The following CDK14 variants were observed in gnomAD, a reference collection of about 807,000 sequenced individuals.
The protein encoded by CDK14 is cyclin dependent kinase 14.
CDK14 carries 34 observed loss-of-function variants against 60.7 expected under a neutral mutation model. The ratio of observed to expected loss-of-function variants is 0.56; its 90% CI spans 0.43 to 0.75. The LOEUF is 0.75. Ranked by LOEUF, CDK14 falls within the 30% of genes least tolerant of loss-of-function variation. The pLI is 0.00. For synonymous variants in CDK14, 197 were observed against 203.7 expected, an observed-to-expected ratio of 0.97 and a Z score of 0.28; for missense variants, 482 against 564.1, an observed-to-expected ratio of 0.85 and a Z score of 1.47.
chr7:90,775,109 G>T (rs1440461718), intron 4 of CDK14, among the ~76,000 whole-genome samples: 1 of 152,122 alleles, frequency 6.6e-6, no homozygotes, highest in African/African-American at 2.4e-5. Flanking sequence ...GTTAGAGAAA[G>T]AGGGGGCATT....
chr7:90,709,446 G>C, intron 2 of CDK14: 2 of 1,537,180 alleles, frequency 1.3e-6, no homozygotes, highest in South Asian at 2.5e-5. Context: ...ACCATTAGCT[G>C]TTTGGCTCCC....
intron 5 of CDK14, among the ~76,000 whole-genome samples, chr7:90,792,116 G>C (rs980341854): frequency 6.6e-6 from 1 of 151,394 alleles, no homozygotes; most frequent in African/African-American, 2.4e-5. Context: ...TGGCCAGGCT[G>C]GTCTCGAACT....
At position 90,854,653 on chromosome 7, in the gene CDK14, CT is replaced by C. The variant is rs575846938; in HGVS notation, c.545-8509del. On this transcript the variant is annotated intron_variant, in intron 5 of 14. Transcript: ENST00000380050. ...AGGGGCTTGGTGCGAAACCACTCAT[CT>C]TTTTTTTTTTTTCAATCACATACTT... Among the ~76,000 whole-genome samples, 430 of 144,412 alleles carry C rather than the reference CT, an allele frequency of 3.0e-3. 11 individuals carry two copies. In the South Asian group the frequency reaches 0.049, roughly 17 times the overall value. 94.7% of individuals were successfully genotyped at this position (144,412 alleles called of 152,430 possible). A position where few individuals can be genotyped will look rare whatever the true frequency, so the allele number is the denominator to read the frequency against.
chr7:90,769,607 C>T (rs1437564075), intron 4 of CDK14, among the ~76,000 whole-genome samples: 1 of 152,028 alleles, frequency 6.6e-6, no homozygotes, highest in East Asian at 1.9e-4. Flanking sequence ...GCTGGAATTA[C>T]AGGCATGTGC....
intron 14 of CDK14, among the ~76,000 whole-genome samples, chr7:91,162,871 G>T (rs953648948): frequency 6.6e-6 from 1 of 152,192 alleles, no homozygotes; most frequent in East Asian, 1.9e-4. Flanking sequence ...GGGGCAGGTA[G>T]TTGGAGAGGG....
intron 6 of CDK14, among the ~76,000 whole-genome samples, chr7:90,867,846 T>C (rs1791238186): frequency 6.6e-6 from 1 of 152,044 alleles, no homozygotes; most frequent in African/African-American, 2.4e-5. Flanking sequence ...AAAAGCAAGG[T>C]TGGACACAGT....
intron 11 of CDK14, among the ~76,000 whole-genome samples, chr7:91,075,814 C>T (rs1042021454): frequency 2.0e-5 from 3 of 151,820 alleles, no homozygotes; most frequent in Non-Finnish European, 2.9e-5. Context: ...AGCATTCCTA[C>T]GTACCAACAA....
At chr7:90,617,098 A>G (rs1799666509) in intron 2 of CDK14, among the ~76,000 whole-genome samples, 1 of 152,136 alleles carries the variant, frequency 6.6e-6, no homozygotes, top group Admixed American at 6.5e-5. Flanking sequence ...TAAAATAGAA[A>G]TTATTATTTA....
chr7:90,653,605 C>T (rs1022286395), intron 2 of CDK14, among the ~76,000 whole-genome samples: 2 of 151,830 alleles, frequency 1.3e-5, no homozygotes. Context: ...TGCATCATGC[C>T]CAATTTGAGT....
At chr7:90,844,596 A>T (rs1342625014) in intron 5 of CDK14, among the ~76,000 whole-genome samples, 1 of 152,188 alleles carries the variant, frequency 6.6e-6, no homozygotes, top group Non-Finnish European at 1.5e-5. Flanking sequence ...TGGTATTTGC[A>T]TATATTTGCA....
At chr7:90,950,626 C>G (rs796493657) in intron 8 of CDK14, among the ~76,000 whole-genome samples, 3 of 152,284 alleles carry the variant, frequency 2.0e-5, no homozygotes, top group African/African-American at 7.2e-5. Flanking sequence ...TAGCAGTCAG[C>G]TGGAGACGCT....
chr7:91,151,233 G>T (rs1383456692), intron 14 of CDK14, among the ~76,000 whole-genome samples: 3 of 152,116 alleles, frequency 2.0e-5, no homozygotes, highest in Non-Finnish European at 4.4e-5. Context: ...GAACTCAAAA[G>T]TCCCAGTTTC....
chr7:90,808,671 C>G (rs1249896073), intron 5 of CDK14, among the ~76,000 whole-genome samples: 1 of 152,078 alleles, frequency 6.6e-6, no homozygotes, highest in Admixed American at 6.5e-5. Context: ...CACAGACTGG[C>G]AAATTGGATA....
At chr7:90,881,289 G>A (rs1280950669) in intron 6 of CDK14, among the ~76,000 whole-genome samples, 8 of 152,088 alleles carry the variant, frequency 5.3e-5, no homozygotes, top group Admixed American at 1.3e-4. Flanking sequence ...TGAGAACTTC[G>A]TGAAGCATAC....
intron 3 of CDK14, among the ~76,000 whole-genome samples, chr7:90,735,047 G>A (rs2116749966): frequency 6.6e-6 from 1 of 152,236 alleles, no homozygotes; most frequent in Non-Finnish European, 1.5e-5. Context: ...CTGTTTGTTA[G>A]TTTTCTTTCT....
At chr7:90,752,713 A>G (rs756139057) in intron 4 of CDK14, among the ~76,000 whole-genome samples, 9 of 152,154 alleles carry the variant, frequency 5.9e-5, no homozygotes, top group Non-Finnish European at 1.2e-4. Context: ...AATAAATGAA[A>G]TCAAAAGTTG....
chr7:91,079,618 A>G, intron 12 of CDK14, 138 bp downstream of exon 12: 2 of 713,562 alleles, frequency 2.8e-6, no homozygotes, highest in Non-Finnish European at 5.0e-6. Context: ...AACTGCTGTT[A>G]AACCTTAACT....
chr7:90,840,976 A>G (rs1790269915), intron 5 of CDK14, among the ~76,000 whole-genome samples: 1 of 152,214 alleles, frequency 6.6e-6, no homozygotes, highest in Admixed American at 6.5e-5. Flanking sequence ...TCATATGCAC[A>G]TACAGGTACA....
chr7:90,963,393 C>G (rs944918085), intron 9 of CDK14, among the ~76,000 whole-genome samples: 6 of 151,314 alleles, frequency 4.0e-5, no homozygotes, highest in Non-Finnish European at 7.4e-5. Context: ...CCAGCCTGGC[C>G]CCAAGAGTGA....
Sources: allele counts gnomAD v4.1 joint callset (sites outside exome capture counted in the v4.1 genomes callset), GRCh38; gene constraint gnomAD v4.1.1; transcripts MANE v1.5; gene names NCBI Gene and HGNC (gene_info 2026-07-23, HGNC 2026-07-21).